The following PSMD2 variants were observed in gnomAD, a reference collection of about 807,000 sequenced individuals.
PSMD2 encodes the protein 26S proteasome non-ATPase regulatory subunit 2.
In PSMD2, 8 loss-of-function variants were observed where a neutral mutation model predicts 101.5. The observed-to-expected ratio is 0.08, with a 90% CI of 0.05 to 0.14. The LOEUF is 0.14. PSMD2 is among the 10% of genes least tolerant of loss of function. The pLI, the probability that PSMD2 is intolerant of heterozygous loss-of-function variation, is 1.00. For missense variants in PSMD2, 784 were observed against 1,147.4 expected (o/e 0.68, Z 4.58); for synonymous variants, 418 against 433.8 (o/e 0.96, Z 0.45).
chr3:184,306,948 TTTTC>T (rs1205941714), intron 16 of PSMD2, 114 bp downstream of exon 16: 4 of 830,216 alleles, frequency 4.8e-6, no homozygotes, highest in African/African-American at 3.4e-5. Flanking sequence ...TTGCTGTGCC[TTTTC>T]TTTCTTTTTT....
Position 184,307,338 on chromosome 3 carries a change from T to C in PSMD2, c.2035-19T>C, listed in dbSNP as rs369927830. The C allele has an allele frequency of 5.6e-6, 9 of 1,613,380 alleles. No homozygotes were observed. The highest frequency in any genetic ancestry group is 2.2e-5 in the East Asian group (1 of 44,896). On this transcript the variant is annotated intron_variant, in intron 16 of 20. Transcript: ENST00000310118. ...TTTACTGCATTCCGCCTTACTGTTGTATTTTCTTGGATCATCAGCTGAGAT... is the reference window on the plus strand; with the variant it reads ...TTTACTGCATTCCGCCTTACTGTTGCATTTTCTTGGATCATCAGCTGAGAT...
intron 12 of PSMD2, 129 bp from the exon 13 acceptor site, chr3:184,305,638 AT>A: frequency 1.2e-6 from 1 of 836,786 alleles, no homozygotes; most frequent in Non-Finnish European, 1.8e-6. Context: ...TACTATTGTT[AT>A]TTTGATATTA....
chr3:184,301,431 G>T, intron 3 of PSMD2, 106 bp from the exon 4 acceptor site: 2 of 1,378,132 alleles, frequency 1.5e-6, no homozygotes, highest in South Asian at 1.2e-5. Context: ...ACAGAGATTG[G>T]TATGTAGTTA....
intron 5 of PSMD2, 122 bp from the exon 6 acceptor site, chr3:184,302,248 A>G: frequency 4.9e-6 from 6 of 1,218,984 alleles, no homozygotes; most frequent in Non-Finnish European, 6.9e-6. Flanking sequence ...TAGTAGTTCT[A>G]ACATCTAGCA....
At position 184,302,801 on chromosome 3, in the gene PSMD2, A is replaced by G. The variant is rs1229093319; in HGVS notation, c.986A>G (p.Asn329Ser). 1 of 1,614,064 alleles carries G rather than the reference A, an allele frequency of 6.2e-7. No individual in the cohort carries two copies. Among genetic ancestry groups the G allele is most frequent in the Non-Finnish European group, 8.5e-7 (1 of 1,180,048 alleles). Reference protein sequence around the residue: ...EIMSNVQLNSNFLALARELDI... With the variant: ...EIMSNVQLNSSFLALARELDI... ...ATGTCCAATGTACAGCTCAACAGCA[A>G]CTTCTTGGCCTTAGCTCGGGAGGTG... Residue 329 changes from asparagine to serine, a missense_variant, in exon 7 of 21, where the codon AAC becomes AGC. This residue lies in a region of PSMD2 where 208 missense variants were observed against 301.6 expected (regional missense o/e 0.69). Coordinates refer to ENST00000310118, the MANE Select transcript of PSMD2 (RefSeq NM_002808.5).
At chr3:184,299,805 C>G in intron 1 of PSMD2, 46 bp from the exon 2 acceptor site, 3 of 1,533,660 alleles carry the variant, frequency 2.0e-6, no homozygotes, top group Non-Finnish European at 1.8e-6. Flanking sequence ...AGGAGGACGT[C>G]TTTGGGATTC....
rs149077606 is a variant in PSMD2, at chr3:184,301,017, C to G, written c.358-520C>G. Among the ~76,000 whole-genome samples, 34 of 152,152 alleles carry G rather than the reference C, an allele frequency of 2.2e-4. No homozygotes were observed. The East Asian group carries it at 6.6e-3, about 29-fold the overall frequency. The stretch of plus-strand genomic sequence containing the variant: ...TCCACTTTATCCCTCATTTATCACC[C>G]TTCAGCTGTGTTAGTTTAAAAGGAA... On this transcript the variant is annotated intron_variant, in intron 3 of 20. Coordinates refer to ENST00000310118, the MANE Select transcript of PSMD2 (RefSeq NM_002808.5).
At chr3:184,307,857 C>T in intron 18 of PSMD2, 33 bp from the exon 19 acceptor site, 1 of 1,613,514 alleles carries the variant, frequency 6.2e-7, no homozygotes, top group African/African-American at 1.3e-5. Context: ...TCAGTGGTAA[C>T]TCCTCACCTC....
chr3:184,307,589 C>T (rs1379500291), intron 17 of PSMD2, 25 bp from the exon 18 acceptor site: 7 of 1,613,936 alleles, frequency 4.3e-6, no homozygotes, highest in Admixed American at 1.7e-5. Context: ...CCTTTTTTCA[C>T]TTCTGTAATG....
At chr3:184,307,231 C>T (rs1413411750) in intron 16 of PSMD2, 126 bp from the exon 17 acceptor site, 1 of 1,068,274 alleles carries the variant, frequency 9.4e-7, no homozygotes, top group Non-Finnish European at 1.3e-6. Context: ...GCATGAGCCA[C>T]CATGCCCAGC....
intron 10 of PSMD2, 39 bp from the exon 11 acceptor site, chr3:184,303,908 T>G: frequency 6.2e-7 from 1 of 1,614,112 alleles, no homozygotes; most frequent in South Asian, 1.1e-5. Flanking sequence ...GTGAGGAAGA[T>G]AGAGTATCCT....
intron 16 of PSMD2, 53 bp downstream of exon 16, chr3:184,306,887 TC>T: frequency 7.0e-7 from 1 of 1,432,068 alleles, no homozygotes; most frequent in Non-Finnish European, 9.7e-7. Flanking sequence ...GGCCTGGGGT[TC>T]CCCAGGGAAG....
In PSMD2 at chr3:184,308,074, C is replaced by T. The variant is rs369061287; in HGVS notation, c.2425+58C>T. The T allele has an allele frequency of 1.9e-6, 3 of 1,596,704 alleles. No individual in the cohort carries two copies. Among genetic ancestry groups the T allele is most frequent in the Middle Eastern group, 3.3e-4 (2 of 6,000 alleles). ...ATGCAGGGCTCTGACTCCACCCTTT[C>T]CAGGGCCACTTTGATAATTTAGGTT... On this transcript the variant is annotated intron_variant, in intron 19 of 20. Coordinates refer to ENST00000310118, the MANE Select transcript of PSMD2 (RefSeq NM_002808.5). This position sits in a 1 kb window ranked among gnomAD's most constrained non-coding sequence, Gnocchi z 6.0.
intron 14 of PSMD2, 90 bp downstream of exon 14, chr3:184,306,245 C>T: frequency 1.3e-6 from 2 of 1,595,480 alleles, no homozygotes; most frequent in Non-Finnish European, 8.6e-7. Context: ...CTCCTTTCTC[C>T]TTCATTCTGA....
intron 5 of PSMD2, 141 bp from the exon 6 acceptor site, chr3:184,302,229 G>GT (rs1234889494): frequency 8.6e-7 from 1 of 1,162,136 alleles, no homozygotes; most frequent in Non-Finnish European, 1.2e-6. Context: ...CAGAGACTTT[G>GT]TGTCTTCTTA....
chr3:184,300,643 T>C, intron 3 of PSMD2, 199 bp downstream of exon 3: 1 of 1,368,716 alleles, frequency 7.3e-7, no homozygotes, highest in Non-Finnish European at 9.4e-7. Context: ...TTCTGTCATG[T>C]GTATTGGACT....
Position 184,301,602 on chromosome 3 carries a change from G to A in PSMD2, c.423G>A (p.Lys141=), listed in dbSNP as rs772238383. 3 of 1,614,142 alleles carry A rather than the reference G, an allele frequency of 1.9e-6. No homozygotes were observed. The highest frequency in any genetic ancestry group is 2.2e-5 in the South Asian group (2 of 91,086). Residue 141 remains lysine (K), a synonymous_variant, in exon 4 of 21, where the codon AAG becomes AAA. Coordinates refer to ENST00000310118, the MANE Select transcript of PSMD2 (RefSeq NM_002808.5). ...MTMSGERECL[K]YRLVGSQEEL... ...TGAGTGGGGAGCGTGAGTGCCTCAA[G>A]TATCGGCTAGTGGGCTCCCAGGAGG...
Position 184,309,014 on chromosome 3 carries a change from TG to T in PSMD2, c.*125del, listed in dbSNP as rs1721944875. On this transcript the variant is annotated 3_prime_UTR_variant, in exon 21 of 21. Transcript: ENST00000310118. Reference sequence around the variant, plus strand: ...CGCCTCCTGCTCTTTTGTTACTGAGTGAGATAAGGTTGTTCAATAAAGACTT... The same window carrying T: ...CGCCTCCTGCTCTTTTGTTACTGAGTAGATAAGGTTGTTCAATAAAGACTT... 9 of 1,011,958 alleles carry T rather than the reference TG, an allele frequency of 8.9e-6. No individual in the cohort carries two copies. The highest frequency in any genetic ancestry group is 1.3e-5 in the Non-Finnish European group (9 of 685,920). The allele number at this position is 1,011,958 out of a possible 1,614,324, so 62.7% of individuals were successfully genotyped here. A position where few individuals can be genotyped will look rare whatever the true frequency, so the allele number is the denominator to read the frequency against.
At chr3:184,303,854 G>A in intron 10 of PSMD2, 93 bp from the exon 11 acceptor site, 1 of 1,604,832 alleles carries the variant, frequency 6.2e-7, no homozygotes, top group South Asian at 1.1e-5. Context: ...TTTAACTCTA[G>A]TTAATAAGGG....
Sources: gnomAD v4.1 joint callset for allele counts (sites outside exome capture counted in the v4.1 genomes callset) on GRCh38, gnomAD v4.1.1 for gene constraint, gnomAD v4.1.1 regional missense constraint, Gnocchi (gnomAD v3.1) non-coding constraint, MANE v1.5 for transcripts, NCBI Gene and HGNC (gene_info 2026-07-23, HGNC 2026-07-21) for gene names.